MYCBP2: variants seen among roughly 807,000 people sequenced by gnomAD.
MYCBP2 encodes E3 ubiquitin-protein ligase MYCBP2.
Under a neutral mutation model 525.3 loss-of-function variants are expected in MYCBP2, and 120 were observed. The observed-to-expected ratio is 0.23, with a 90% CI of 0.20 to 0.27. The LOEUF is 0.27. MYCBP2 is among the 10% of genes least tolerant of loss of function. The pLI, the probability that MYCBP2 is intolerant of heterozygous loss-of-function variation, is 1.00. For missense variants in MYCBP2, 4,149 were observed against 5,657.1 expected (o/e 0.73, Z 8.55); for synonymous variants, 1,894 against 1,955.8 (o/e 0.97, Z 0.83).
intron 47 of MYCBP2, among the ~76,000 whole-genome samples, chr13:77,150,100 G>A (rs1450298128): frequency 2.6e-5 from 4 of 152,128 alleles, no homozygotes. Context: ...CATTGCCTCT[G>A]AAGATAACTA....
At position 77,326,566 on chromosome 13, in the gene MYCBP2, G is replaced by A. The variant is rs1440003159; in HGVS notation, c.210C>T (p.Gly70=). 5 of 1,598,944 alleles carry A rather than the reference G, an allele frequency of 3.1e-6. No individual in the cohort carries two copies. The South Asian group carries it at 4.4e-5, about 14-fold the overall frequency. Reference sequence around the variant, plus strand: ...TCCGGTAGCGGTCGGCCAGGGCCCGGCCTGACAGCAGCAGCTGGTAGTGAC... The same window carrying A: ...TCCGGTAGCGGTCGGCCAGGGCCCGACCTGACAGCAGCAGCTGGTAGTGAC... ...SRGHYQLLLS[G]RALADRYRRI... The change falls in exon 1 of 83, where the codon GGC becomes GGT. Residue 70 remains glycine (G), a synonymous_variant. Coordinates refer to ENST00000544440, the MANE Select transcript of MYCBP2 (RefSeq NM_015057.5). This position sits in a 1 kb window ranked among gnomAD's most constrained non-coding sequence, Gnocchi z 4.2.
At position 77,165,396 on chromosome 13, in the gene MYCBP2, TA is replaced by T; in HGVS notation, c.6341-6del. ...ATGAAAAAAGGGCCTCATTTCCTAA[TA>T]AAAATGCCAGAATTGAGTTCAAACT... On this transcript the variant is annotated splice_region_variant and splice_polypyrimidine_tract_variant and intron_variant, in intron 41 of 82. Coordinates refer to ENST00000544440, the MANE Select transcript of MYCBP2 (RefSeq NM_015057.5). 1 of 1,574,096 alleles carries T rather than the reference TA, an allele frequency of 6.4e-7. No homozygotes were observed. The highest frequency in any genetic ancestry group is 8.6e-7 in the Non-Finnish European group (1 of 1,162,368).
chr13:77,212,021 T>A lies in MYCBP2; in HGVS notation c.3197A>T (p.Asp1066Val). Residue 1066 changes from aspartate to valine, a missense_variant, in exon 22 of 83, where the codon GAT (aspartate) becomes GTT (valine). By Grantham distance (152) the Asp-to-Val change is radical (BLOSUM62 -3). Coordinates refer to ENST00000544440, the MANE Select transcript of MYCBP2 (RefSeq NM_015057.5). ...TACATGAGAATTAATAAGTGCTTCA[T>A]CAATTCGTAAAAAAGTTTGGTCCCC... ...ASGDQTFLRI[D>V]EALINSHVLA... 1 of 1,614,144 alleles carries A rather than the reference T, an allele frequency of 6.2e-7. No individual in the cohort carries two copies. The highest frequency in any genetic ancestry group is 8.5e-7 in the Non-Finnish European group (1 of 1,179,984).
intron 55 of MYCBP2, among the ~76,000 whole-genome samples, chr13:77,102,853 C>A (rs1235754982): frequency 6.6e-6 from 1 of 151,642 alleles, no homozygotes; most frequent in Admixed American, 6.6e-5. Flanking sequence ...GTGCTTTATG[C>A]CTTGCACATA....
chr13:77,055,436 G>C, intron 80 of MYCBP2, 122 bp downstream of exon 80: 1 of 794,828 alleles, frequency 1.3e-6, no homozygotes, highest in Non-Finnish European at 2.0e-6. Flanking sequence ...ATTGTACCAA[G>C]CTATCTTATT....
At position 77,177,655 on chromosome 13, in the gene MYCBP2, T is replaced by C. The variant is rs985810710; in HGVS notation, c.5340+93A>G. ...TTTCTTTAGTGTCATTCATCAGTGATTGATCTAGTAAACCCCTGAACATAC... is the reference window on the plus strand; with the variant it reads ...TTTCTTTAGTGTCATTCATCAGTGACTGATCTAGTAAACCCCTGAACATAC... On this transcript the variant is annotated intron_variant, in intron 35 of 82. Transcript: ENST00000544440. 6.9e-6 allele frequency: 7 copies of C among 1,014,348 alleles called. No homozygotes were observed. In the African/African-American group the frequency reaches 7.9e-5, roughly 11 times the overall value. The allele number at this position is 1,014,348 out of a possible 1,614,324, so 62.8% of individuals were successfully genotyped here.
intron 59 of MYCBP2, 147 bp downstream of exon 59, chr13:77,093,018 T>C: frequency 1.3e-5 from 9 of 680,678 alleles, no homozygotes; most frequent in Non-Finnish European, 2.2e-5. Flanking sequence ...ACCTTAGTCA[T>C]ACATGTATGC....
Position 77,270,051 on chromosome 13 carries a change from T to C in MYCBP2, c.1201A>G (p.Asn401Asp). 1 of 1,611,412 alleles carries C rather than the reference T, an allele frequency of 6.2e-7. No homozygotes were observed. Among genetic ancestry groups the C allele is most frequent in the Admixed American group, 1.7e-5 (1 of 59,718 alleles). The change falls in exon 7 of 83, where the codon AAT becomes GAT. Residue 401 changes from asparagine (N) to aspartate (D), a missense_variant. Asn to Asp is a conservative substitution (Grantham distance 23). This residue lies in a region of MYCBP2 where 262 missense variants were observed against 419.3 expected (regional missense o/e 0.62). Transcript: ENST00000544440. ...YSGTVRGHIY[N>D]STSRIRNRKE... ...CTGTTTCTAATACGGGATGTAGAAT[T>C]GTATATATGGCCCTGCAAAAAAAAC...
In MYCBP2 at chr13:77,157,929, A is replaced by G. The variant is rs2057411986; in HGVS notation, c.6770+8T>C. On this transcript the variant is annotated splice_region_variant and intron_variant, in intron 45 of 82. Coordinates refer to ENST00000544440, the MANE Select transcript of MYCBP2 (RefSeq NM_015057.5). ...TAAAATAAAGTAAGTAACTTAAAGT[A>G]CATTTACCTTGCAAGCCTTCCACCA... is the stretch of plus-strand genomic sequence containing the variant. 6.2e-7 allele frequency: 1 copy of G among 1,607,102 alleles called. No homozygotes were observed. The highest frequency in any genetic ancestry group is 2.2e-5 in the East Asian group (1 of 44,718).
At chr13:77,090,717 C>T (rs1436196350) in intron 59 of MYCBP2, 1 of 152,372 alleles carries the variant, frequency 6.6e-6, no homozygotes, top group Admixed American at 6.6e-5. Context: ...TGAGGTTTCT[C>T]ACTCTTGGGA....
At chr13:77,224,382 G>C in intron 20 of MYCBP2, 69 bp downstream of exon 20, 2 of 981,492 alleles carry the variant, frequency 2.0e-6, no homozygotes, top group Non-Finnish European at 3.2e-6. Context: ...AGAAAAGAAA[G>C]AAAAAAGAAG....
chr13:77,268,677 G>A (rs1443357683), intron 7 of MYCBP2, among the ~76,000 whole-genome samples: 1 of 151,964 alleles, frequency 6.6e-6, no homozygotes, highest in Non-Finnish European at 1.5e-5. Flanking sequence ...TACTCGGGAG[G>A]CTGAGGCAAG....
At chr13:77,104,721 C>A (rs1029755608) in intron 55 of MYCBP2, among the ~76,000 whole-genome samples, 34 of 152,008 alleles carry the variant, frequency 2.2e-4, no homozygotes, top group Admixed American at 1.6e-3. Flanking sequence ...AAAACTGACA[C>A]CTTAGAACCG....
chr13:77,180,524 T>A (rs144652744), intron 33 of MYCBP2, among the ~76,000 whole-genome samples: 1 of 152,230 alleles, frequency 6.6e-6, no homozygotes, highest in Non-Finnish European at 1.5e-5. Context: ...CAAAGTACCA[T>A]ACATTTACGA....
chr13:77,079,119 C>T (rs776854608), intron 65 of MYCBP2, among the ~76,000 whole-genome samples: 1 of 152,126 alleles, frequency 6.6e-6, no homozygotes, highest in Admixed American at 6.6e-5. Flanking sequence ...GGTGCTCTCT[C>T]ACAGCTTGAC....
At chr13:77,046,080 T>C (rs1041794133) in intron 82 of MYCBP2, among the ~76,000 whole-genome samples, 6 of 152,198 alleles carry the variant, frequency 3.9e-5, no homozygotes, top group African/African-American at 9.6e-5. Flanking sequence ...AACAATGTTA[T>C]AAAATACAAT....
At chr13:77,283,955 T>G (rs563440334) in intron 3 of MYCBP2, among the ~76,000 whole-genome samples, 61 of 152,042 alleles carry the variant, frequency 4.0e-4, no homozygotes, top group Admixed American at 7.2e-4. Flanking sequence ...TCTGTAAAGT[T>G]TTAGAGGATG....
In MYCBP2 at chr13:77,270,285, A is replaced by T. The variant is rs1747877633; in HGVS notation, c.1188+11T>A. The stretch of plus-strand genomic sequence containing the variant: ...TCTGTATAATTAAGGAACTGTAAGG[A>T]ATCACATTACCCTAACTGTTCCACT... On this transcript the variant is annotated intron_variant, in intron 6 of 82. Transcript: ENST00000544440. 1 of 1,599,790 alleles carries T rather than the reference A, an allele frequency of 6.3e-7. No homozygotes were observed. Among genetic ancestry groups the T allele is most frequent in the African/African-American group, 1.3e-5 (1 of 74,388 alleles).
At chr13:77,268,098 A>T (rs554294483) in intron 7 of MYCBP2, among the ~76,000 whole-genome samples, 161 bp from the exon 8 acceptor site, 1 of 152,316 alleles carries the variant, frequency 6.6e-6, no homozygotes, top group East Asian at 1.9e-4. Flanking sequence ...ATTCCTCTCA[A>T]TTAGAGGAAA....
Sources: allele counts gnomAD v4.1 joint callset (sites outside exome capture counted in the v4.1 genomes callset), GRCh38; gene constraint gnomAD v4.1.1; regional missense constraint gnomAD v4.1.1; non-coding constraint Gnocchi (gnomAD v3.1); transcripts MANE v1.5; gene names NCBI Gene and HGNC (gene_info 2026-07-23, HGNC 2026-07-21).